The following XXYLT1 variants were observed in gnomAD, a reference collection of about 807,000 sequenced individuals.
The protein encoded by XXYLT1 is xyloside xylosyltransferase 1.
In XXYLT1, 20 loss-of-function variants were observed where a neutral mutation model predicts 28.9. The ratio of observed to expected loss-of-function variants is 0.69; its 90% CI spans 0.49 to 1.00. The LOEUF is 1.00. Among genes scored for constraint, XXYLT1 ranks in the 50% least tolerant of loss-of-function variants. XXYLT1 has a pLI of 0.00. For missense variants in XXYLT1, 542 were observed against 560.1 expected, an observed-to-expected ratio of 0.97 and a Z score of 0.33; for synonymous variants, 257 against 253.8, an observed-to-expected ratio of 1.01 and a Z score of -0.12.
At chr3:195,182,738 T>A (rs970509487) in intron 2 of XXYLT1, among the ~76,000 whole-genome samples, 1 of 152,116 alleles carries the variant, frequency 6.6e-6, no homozygotes, top group African/African-American at 2.4e-5. Context: ...ACAAAAGACC[T>A]TACATTTTTC....
At chr3:195,106,560 C>G (rs1717102196) in intron 3 of XXYLT1, among the ~76,000 whole-genome samples, 1 of 152,190 alleles carries the variant, frequency 6.6e-6, no homozygotes, top group Non-Finnish European at 1.5e-5. Flanking sequence ...AGTTCTTAGA[C>G]CCGCGTGCAG....
At chr3:195,153,956 GA>G (rs1720421181) in intron 3 of XXYLT1, 1 of 152,310 alleles carries the variant, frequency 6.6e-6, no homozygotes, top group South Asian at 2.1e-4. Flanking sequence ...CCCAATGCCA[GA>G]GCCGGGGAGC....
At chr3:195,224,866 C>T (rs965679565) in intron 2 of XXYLT1, among the ~76,000 whole-genome samples, 12 of 152,198 alleles carry the variant, frequency 7.9e-5, no homozygotes, top group Non-Finnish European at 1.6e-4. Flanking sequence ...CAAAGTGGCT[C>T]AGCCCTAGGC....
At chr3:195,169,412 G>C (rs1721285201) in intron 2 of XXYLT1, among the ~76,000 whole-genome samples, 1 of 152,216 alleles carries the variant, frequency 6.6e-6, no homozygotes. Context: ...TGCCAGCCCA[G>C]ACTCAGGGAG....
intron 2 of XXYLT1, among the ~76,000 whole-genome samples, chr3:195,201,394 T>C (rs1361059863): frequency 1.3e-5 from 2 of 152,240 alleles, no homozygotes; most frequent in Non-Finnish European, 2.9e-5. Context: ...GCTGCCTGTG[T>C]CTCTGGGGGT....
At chr3:195,127,382 T>G (rs981829630) in intron 3 of XXYLT1, among the ~76,000 whole-genome samples, 2 of 152,186 alleles carry the variant, frequency 1.3e-5, no homozygotes, top group Non-Finnish European at 2.9e-5. Flanking sequence ...AATCAAAATT[T>G]TAATTCACGT....
chr3:195,185,855 G>C (rs1722176521), intron 2 of XXYLT1, among the ~76,000 whole-genome samples: 2 of 152,112 alleles, frequency 1.3e-5, no homozygotes, highest in Admixed American at 1.3e-4. Context: ...CAAGACCAGA[G>C]GCCTCTCCCT....
At chr3:195,238,365 C>T (rs1317019113) in intron 1 of XXYLT1, among the ~76,000 whole-genome samples, 1 of 152,182 alleles carries the variant, frequency 6.6e-6, no homozygotes, top group East Asian at 1.9e-4. Flanking sequence ...CCAGGCCCTT[C>T]CTAACACCCT....
In XXYLT1 at chr3:195,133,365, G is replaced by T. The variant is rs1719000041; in HGVS notation, c.785+23084C>A. Among the ~76,000 whole-genome samples the T allele has an allele frequency of 6.6e-6, 1 of 152,102 alleles. No individual in the cohort carries two copies. The highest frequency in any genetic ancestry group is 2.4e-5 in the African/African-American group (1 of 41,424). On this transcript the variant is annotated intron_variant, in intron 3 of 3. Transcript: ENST00000310380. This position sits in a 1 kb window ranked among gnomAD's most constrained non-coding sequence, Gnocchi z 4.4. The stretch of plus-strand genomic sequence containing the variant: ...TGGGGAGTGGGAGAGGGGGAAGAAG[G>T]GTGGGAACTTTCTTCTCAAGTAAGA...
intron 2 of XXYLT1, among the ~76,000 whole-genome samples, chr3:195,196,198 C>A (rs968788825): frequency 1.3e-5 from 2 of 152,070 alleles, no homozygotes; most frequent in Admixed American, 6.5e-5. Context: ...GACTGAGGAG[C>A]TGAATTTTTA....
rs1721672699 is a variant in XXYLT1, at chr3:195,176,522, T to C, written c.653-19941A>G. ...CGGTTTCAAACACAACAATCTTGCT[T>C]GTGCGCCATCAGTACGTTCCACCCC... On this transcript the variant is annotated intron_variant, in intron 2 of 3. Transcript: ENST00000310380. The surrounding 1 kb of genome is among the most constrained non-coding windows in gnomAD (Gnocchi z 4.9). Among the ~76,000 whole-genome samples, 1 of 152,224 alleles carries C rather than the reference T, an allele frequency of 6.6e-6. No homozygotes were observed. Among genetic ancestry groups the C allele is most frequent in the Non-Finnish European group, 1.5e-5 (1 of 68,050 alleles).
At chr3:195,137,352 G>A (rs1406348505) in intron 3 of XXYLT1, among the ~76,000 whole-genome samples, 2 of 152,194 alleles carry the variant, frequency 1.3e-5, no homozygotes, top group African/African-American at 2.4e-5. Flanking sequence ...ACCACACATG[G>A]TCAGCTCCAA....
chr3:195,265,360 C>A (rs60042817), intron 1 of XXYLT1, among the ~76,000 whole-genome samples: 29,750 of 149,796 alleles, frequency 0.2, 3,886 homozygotes, highest in East Asian at 0.7. Context: ...GAACGAGACT[C>A]CATCTCAAAA....
intron 3 of XXYLT1, among the ~76,000 whole-genome samples, chr3:195,083,949 C>A (rs1290721125): frequency 6.6e-6 from 1 of 152,092 alleles, no homozygotes; most frequent in Non-Finnish European, 1.5e-5. Context: ...TGGTTTGAAC[C>A]CAGGAGGCAG....
intron 3 of XXYLT1, among the ~76,000 whole-genome samples, chr3:195,084,293 T>C (rs1715602092): frequency 6.6e-6 from 1 of 152,098 alleles, no homozygotes. Flanking sequence ...GATGGGAAGA[T>C]GGCAGGGATC....
chr3:195,120,107 C>T (rs1359760895), intron 3 of XXYLT1, among the ~76,000 whole-genome samples: 3 of 152,234 alleles, frequency 2.0e-5, no homozygotes, highest in African/African-American at 7.2e-5. Flanking sequence ...TAGATTTCTC[C>T]TCTGTCTTCA....
intron 2 of XXYLT1, among the ~76,000 whole-genome samples, chr3:195,212,917 C>T (rs918455522): frequency 2.2e-4 from 33 of 152,188 alleles, no homozygotes; most frequent in African/African-American, 6.8e-4. Flanking sequence ...TGGTCAGTGC[C>T]GCGAGGGCGC....
chr3:195,139,879 G>A (rs1719395552), intron 3 of XXYLT1, among the ~76,000 whole-genome samples: 1 of 152,196 alleles, frequency 6.6e-6, no homozygotes, highest in Non-Finnish European at 1.5e-5. Flanking sequence ...TCTCCCAGAT[G>A]AGGACCCCTC....
At chr3:195,196,864 T>C (rs1230022382) in intron 2 of XXYLT1, among the ~76,000 whole-genome samples, 1 of 150,290 alleles carries the variant, frequency 6.7e-6, no homozygotes, top group Non-Finnish European at 1.5e-5. Flanking sequence ...TAATTGTCAC[T>C]TCCTTTAAAA....
Sources: allele counts gnomAD v4.1 joint callset (sites outside exome capture counted in the v4.1 genomes callset), GRCh38; gene constraint gnomAD v4.1.1; non-coding constraint Gnocchi (gnomAD v3.1); transcripts MANE v1.5; gene names NCBI Gene and HGNC (gene_info 2026-07-23, HGNC 2026-07-21).